The following MAP3K3 variants were observed in gnomAD, a reference collection of about 807,000 sequenced individuals.
MAP3K3 encodes MAP/ERK kinase kinase 3.
A neutral mutation model predicts 80.9 loss-of-function variants in MAP3K3; 12 were observed. The ratio of observed to expected loss-of-function variants is 0.15; its 90% confidence interval spans 0.10 to 0.24. The LOEUF is 0.24. Among genes scored for constraint, MAP3K3 ranks in the 10% least tolerant of loss-of-function variants. The pLI is 1.00. For synonymous variants in MAP3K3, 272 were observed against 307.1 expected, an observed-to-expected ratio of 0.89 and a Z score of 1.19; for missense variants, 596 against 834.7, an observed-to-expected ratio of 0.71 and a Z score of 3.52.
intron 2 of MAP3K3, among the ~76,000 whole-genome samples, chr17:63,634,123 AT>A (rs1448617890): frequency 6.6e-6 from 1 of 152,066 alleles, no homozygotes; most frequent in Non-Finnish European, 1.5e-5. Flanking sequence ...TTCTTACACT[AT>A]TTTCATATGT....
intron 1 of MAP3K3, among the ~76,000 whole-genome samples, chr17:63,623,424 A>G (rs748003047): frequency 1.9e-4 from 29 of 152,204 alleles, no homozygotes; most frequent in Non-Finnish European, 4.0e-4. Flanking sequence ...TTCACATCCT[A>G]CTTTTTGAAA....
chr17:63,649,134 T>C (rs887389812), intron 3 of MAP3K3, among the ~76,000 whole-genome samples: 2 of 151,964 alleles, frequency 1.3e-5, no homozygotes, highest in Non-Finnish European at 2.9e-5. Context: ...GGAACCTTTT[T>C]CTTTTAAGAC....
chr17:63,692,096 T>C lies in MAP3K3; in HGVS notation c.1475-146T>C, dbSNP rs7211213. ...GTGCGGTAGATCTGAGACTCCCCTT[T>C]GCTAAATCCTTTGCCCTTTGCAGTT... On this transcript the variant is annotated intron_variant, in intron 14 of 15. Coordinates refer to ENST00000361733, the MANE Select transcript of MAP3K3 (RefSeq NM_002401.5). The surrounding 1 kb of genome is among the most constrained non-coding windows in gnomAD (Gnocchi z 4.5). The C allele has an allele frequency of 0.28, 274,783 of 977,700 alleles. 45,206 individuals are homozygous for C. The highest frequency in any genetic ancestry group is 0.66 in the African/African-American group (40,368 of 60,758). 60.6% of individuals were successfully genotyped at this position (977,700 alleles called of 1,614,324 possible).
chr17:63,664,107 C>T (rs1329487362), intron 5 of MAP3K3, among the ~76,000 whole-genome samples: 4 of 151,292 alleles, frequency 2.6e-5, no homozygotes, highest in East Asian at 1.9e-4. Flanking sequence ...AATAGCCGGG[C>T]GTGGTAGCGG....
intron 5 of MAP3K3, among the ~76,000 whole-genome samples, chr17:63,662,429 A>G (rs542940596): frequency 4.6e-5 from 7 of 151,992 alleles, no homozygotes; most frequent in African/African-American, 1.7e-4. Flanking sequence ...AATAGTAATA[A>G]TAACAACACC....
At chr17:63,645,857 G>T (rs1029682962) in intron 2 of MAP3K3, among the ~76,000 whole-genome samples, 177 bp from the exon 3 acceptor site, 1 of 152,216 alleles carries the variant, frequency 6.6e-6, no homozygotes, top group African/African-American at 2.4e-5. Flanking sequence ...GTTAGAACTG[G>T]AAGTTTTAAC....
chr17:63,639,199 G>C (rs889507552), intron 2 of MAP3K3, among the ~76,000 whole-genome samples: 1 of 152,184 alleles, frequency 6.6e-6, no homozygotes, highest in African/African-American at 2.4e-5. Flanking sequence ...GCCTGGGCCA[G>C]AGGAGCTATG....
rs2035628598 is a variant in MAP3K3, at chr17:63,693,171, T to C, written c.1653-378T>C. On this transcript the variant is annotated intron_variant, in intron 15 of 15. Coordinates refer to ENST00000361733, the MANE Select transcript of MAP3K3 (RefSeq NM_002401.5). This position sits in a 1 kb window ranked among gnomAD's most constrained non-coding sequence, Gnocchi z 4.2. ...ACAGGAACCAGCCCTGCCGCCACCTTGACTTTAGCCCTGTGAGACTGATTT... is the reference window on the plus strand; with the variant it reads ...ACAGGAACCAGCCCTGCCGCCACCTCGACTTTAGCCCTGTGAGACTGATTT... 6.6e-6 allele frequency among the ~76,000 whole-genome samples: 1 copy of C among 152,186 alleles called. No homozygotes were observed. Among genetic ancestry groups the C allele is most frequent in the Admixed American group, 6.5e-5 (1 of 15,284 alleles).
rs1412681640 is a variant in MAP3K3 at position 63,689,167 on chromosome 17, G to C, written c.871+286G>C. 5.3e-6 allele frequency: 3 copies of C among 562,562 alleles called. No individual in the cohort carries two copies. Among genetic ancestry groups the C allele is most frequent in the Non-Finnish European group, 9.5e-6 (3 of 316,126 alleles). The allele number at this position is 562,562 out of a possible 1,614,324, so 34.8% of individuals were successfully genotyped here. A position where few individuals can be genotyped will look rare whatever the true frequency, so the allele number is the denominator to read the frequency against. On this transcript the variant is annotated intron_variant, in intron 10 of 15. Coordinates refer to ENST00000361733, the MANE Select transcript of MAP3K3 (RefSeq NM_002401.5). This position sits in a 1 kb window ranked among gnomAD's most constrained non-coding sequence, Gnocchi z 4.3. ...CTCTTCTGCCCCACAGCAGCAGGTG[G>C]CCTGGGCCCTGTAGAGGGGTAAGGA...
intron 2 of MAP3K3, among the ~76,000 whole-genome samples, chr17:63,636,064 C>G (rs1435066199): frequency 6.6e-6 from 1 of 152,178 alleles, no homozygotes; most frequent in Non-Finnish European, 1.5e-5. Context: ...CTTCATGGAG[C>G]TCAAGCTTGG....
chr17:63,649,524 GTCC>G (rs1180312021), intron 3 of MAP3K3, among the ~76,000 whole-genome samples: 1 of 151,944 alleles, frequency 6.6e-6, no homozygotes, highest in East Asian at 1.9e-4. Flanking sequence ...GGCTCAAGCA[GTCC>G]TCCTGCCTCA....
chr17:63,692,204 G>C lies in MAP3K3; in HGVS notation c.1475-38G>C. The C allele has an allele frequency of 6.2e-7, 1 of 1,609,542 alleles. No individual in the cohort carries two copies. The highest frequency in any genetic ancestry group is 8.5e-7 in the Non-Finnish European group (1 of 1,178,436). On this transcript the variant is annotated intron_variant, in intron 14 of 15. Coordinates refer to ENST00000361733, the MANE Select transcript of MAP3K3 (RefSeq NM_002401.5). The surrounding 1 kb of genome is among the most constrained non-coding windows in gnomAD (Gnocchi z 4.5). ...GGGGAGGATGGGAGAAAATGCAAGA[G>C]GGTCCAGGGTTGCAGCCTCTGCCCT...
intron 11 of MAP3K3, 131 bp from the exon 12 acceptor site, chr17:63,690,133 A>T: frequency 1.9e-6 from 2 of 1,029,340 alleles, no homozygotes; most frequent in Non-Finnish European, 2.8e-6. Context: ...ATTGTGGTGG[A>T]GATGCTCTAC....
At chr17:63,667,832 A>T (rs2035029956) in intron 6 of MAP3K3, among the ~76,000 whole-genome samples, 1 of 152,198 alleles carries the variant, frequency 6.6e-6, no homozygotes, top group Non-Finnish European at 1.5e-5. Flanking sequence ...GAATCCACAG[A>T]TGCAGAACCT....
At chr17:63,674,655 A>T (rs944225370) in intron 6 of MAP3K3, among the ~76,000 whole-genome samples, 1 of 152,052 alleles carries the variant, frequency 6.6e-6, no homozygotes, top group South Asian at 2.1e-4. Flanking sequence ...CCAGCCCAGG[A>T]TGTTCTTAGG....
chr17:63,635,465 A>C (rs1320318527), intron 2 of MAP3K3, among the ~76,000 whole-genome samples: 1 of 152,218 alleles, frequency 6.6e-6, no homozygotes, highest in Non-Finnish European at 1.5e-5. Context: ...AATGAAGTCA[A>C]GGTTATAGAA....
chr17:63,672,804 A>T (rs546690563), intron 6 of MAP3K3: 2 of 152,376 alleles, frequency 1.3e-5, no homozygotes, highest in South Asian at 4.1e-4. Flanking sequence ...GTAAGGACAG[A>T]CCAAGGGTAA....
intron 5 of MAP3K3, among the ~76,000 whole-genome samples, 198 bp downstream of exon 5, chr17:63,658,105 A>G (rs977598358): frequency 1.3e-5 from 2 of 152,266 alleles, no homozygotes; most frequent in African/African-American, 4.8e-5. Flanking sequence ...GTCAGTGTTA[A>G]CATTGCATCT....
intron 3 of MAP3K3, among the ~76,000 whole-genome samples, chr17:63,651,421 C>T (rs2034653533): frequency 7.6e-6 from 1 of 131,876 alleles, no homozygotes; most frequent in African/African-American, 3.4e-5. Flanking sequence ...TGCAGTGAGC[C>T]GTTATCATTG....
Sources: gnomAD v4.1 joint callset for allele counts (sites outside exome capture counted in the v4.1 genomes callset) on GRCh38, gnomAD v4.1.1 for gene constraint, Gnocchi (gnomAD v3.1) non-coding constraint, MANE v1.5 for transcripts, NCBI Gene and HGNC (gene_info 2026-07-23, HGNC 2026-07-21) for gene names.